The following NID2 variants were observed in gnomAD, a reference collection of about 807,000 sequenced individuals.
NID2 encodes nidogen-2.
A neutral mutation model predicts 145.4 loss-of-function variants in NID2; 83 were observed. The ratio of observed to expected loss-of-function variants is 0.57; its 90% CI spans 0.48 to 0.69. NID2 has a LOEUF of 0.69. NID2 is among the 30% of genes least tolerant of loss of function. The pLI is 0.00. For missense variants in NID2, 1,807 were observed against 1,765.7 expected (o/e 1.02, Z -0.42); for synonymous variants, 739 against 701.3 (o/e 1.05, Z -0.85).
At chr14:52,047,276 A>G (rs1270154401) in intron 5 of NID2, among the ~76,000 whole-genome samples, 2 of 152,152 alleles carry the variant, frequency 1.3e-5, no homozygotes, top group Admixed American at 1.3e-4. Context: ...GCAGGTGTAC[A>G]TGGCTCTTTT....
chr14:52,044,484 A>G lies in NID2; in HGVS notation c.1430-1553T>C, dbSNP rs550681588. Among the ~76,000 whole-genome samples, 7 of 152,122 alleles carry G rather than the reference A, an allele frequency of 4.6e-5. No homozygotes were observed. In the East Asian group the frequency reaches 1.4e-3, roughly 30 times the overall value. On this transcript the variant is annotated intron_variant, in intron 5 of 21. Coordinates refer to ENST00000216286, the MANE Select transcript of NID2 (RefSeq NM_007361.4). The stretch of plus-strand genomic sequence containing the variant: ...ACAGGGTTTCACCATGTTAGCCAGG[A>G]TGGTCCTGATCTCCTGACCTCGTGA...
intron 5 of NID2, among the ~76,000 whole-genome samples, chr14:52,049,519 G>A (rs1318914500): frequency 6.6e-6 from 1 of 151,812 alleles, no homozygotes; most frequent in East Asian, 1.9e-4. Context: ...GAGGCTTCGT[G>A]CACAGGGCTG....
chr14:52,008,415 G>C (rs1018140191), intron 18 of NID2: 1 of 153,734 alleles, frequency 6.5e-6, no homozygotes, highest in Non-Finnish European at 1.4e-5. Flanking sequence ...CCTTGTGAGA[G>C]ACTCCATGCC....
rs114623510 is a variant in NID2 at position 52,026,296 on chromosome 14, C to T, written c.2674+905G>A. Among the ~76,000 whole-genome samples, 1,077 of 152,352 alleles carry T rather than the reference C, an allele frequency of 7.1e-3. 7 individuals are homozygous for T. Among genetic ancestry groups the T allele is most frequent in the African/African-American group, 0.024 (1,017 of 41,584 alleles). On this transcript the variant is annotated intron_variant, in intron 12 of 21. Coordinates refer to ENST00000216286, the MANE Select transcript of NID2 (RefSeq NM_007361.4). The stretch of plus-strand genomic sequence containing the variant: ...TGCAAAGCTGTTCTTAGCACATCAG[C>T]TCGGTGGGCCTGGGCGGATGGAGGC...
chr14:52,048,195 G>A (rs1447554059), intron 5 of NID2, among the ~76,000 whole-genome samples: 3 of 152,176 alleles, frequency 2.0e-5, no homozygotes, highest in South Asian at 2.1e-4. Context: ...CTGAGAAGCT[G>A]AGCTCAGTGC....
At chr14:52,026,207 C>G (rs751903323) in intron 12 of NID2, among the ~76,000 whole-genome samples, 3 of 152,200 alleles carry the variant, frequency 2.0e-5, no homozygotes, top group Non-Finnish European at 4.4e-5. Context: ...GGATGAGAAT[C>G]AAACATCTGG....
chr14:52,011,426 A>C, intron 17 of NID2, 128 bp downstream of exon 17: 1 of 1,165,036 alleles, frequency 8.6e-7, no homozygotes, highest in Non-Finnish European at 1.2e-6. Context: ...TATACAGCTC[A>C]ATAAAATGAC....
intron 16 of NID2, chr14:52,011,903 T>G: frequency 1.9e-6 from 1 of 515,836 alleles, no homozygotes; most frequent in Non-Finnish European, 3.5e-6. Flanking sequence ...TGCGTTTGTC[T>G]CATTTGCAAA....
intron 9 of NID2, among the ~76,000 whole-genome samples, chr14:52,032,804 G>GAAAAAAAAAAAAAAA (rs3030384): frequency 2.8e-5 from 4 of 141,812 alleles, no homozygotes; most frequent in Admixed American, 1.4e-4. Context: ...GGCATTAAAA[G>GAAAAAAAAAAAAAAA]AAAAAAAAAA....
At position 52,007,798 on chromosome 14, in the gene NID2, C is replaced by CAGTAGG; in HGVS notation, c.3880+11_3880+12insCCTACT. On this transcript the variant is annotated intron_variant, in intron 19 of 21. Coordinates refer to ENST00000216286, the MANE Select transcript of NID2 (RefSeq NM_007361.4). ...GAGAGGTTATCTATTTGCATTCCAT[C>CAGTAGG]AGTAGTATTACCTGCATCTGCCCAG... 1 of 1,610,026 alleles carries CAGTAGG rather than the reference C, an allele frequency of 6.2e-7. No individual in the cohort carries two copies.
Position 52,060,370 on chromosome 14 carries a change from AAAAAAAAAAG to A in NID2, c.535-24_535-15del. 1 of 1,120,036 alleles carries A rather than the reference AAAAAAAAAAG, an allele frequency of 8.9e-7. No homozygotes were observed. The highest frequency in any genetic ancestry group is 1.2e-6 in the Non-Finnish European group (1 of 824,362). The allele number at this position is 1,120,036 out of a possible 1,614,324, so 69.4% of individuals were successfully genotyped here. ...GAAAGTGTTCAGCTGTGAGGAAAAA[AAAAAAAAAAG>A]AGAGAGAGAGAGAGAGAAACATCCT... On this transcript the variant is annotated splice_polypyrimidine_tract_variant and intron_variant, in intron 2 of 21. Coordinates refer to ENST00000216286, the MANE Select transcript of NID2 (RefSeq NM_007361.4).
At chr14:52,039,928 T>G (rs185765683) in intron 8 of NID2, among the ~76,000 whole-genome samples, 1 of 152,198 alleles carries the variant, frequency 6.6e-6, no homozygotes, top group African/African-American at 2.4e-5. Flanking sequence ...TAATAAATTA[T>G]AGCATCTCTG....
At chr14:52,009,146 C>T (rs1265199051) in intron 18 of NID2, 1 of 152,198 alleles carries the variant, frequency 6.6e-6, no homozygotes, top group Non-Finnish European at 1.5e-5. Flanking sequence ...AATTTCATCC[C>T]TTATGCCCAA....
At position 52,020,093 on chromosome 14, in the gene NID2, G is replaced by T; in HGVS notation, c.2760C>A (p.Pro920=). Residue 920 remains proline (P), a synonymous_variant, in exon 13 of 22, where the codon CCC becomes CCA. Coordinates refer to ENST00000216286, the MANE Select transcript of NID2 (RefSeq NM_007361.4). Reference sequence around the variant, plus strand: ...ACTGAAATCCATCCCCATAATATCCGGGTTGACAACGGCAGGAGAAGGAAC... The same window carrying T: ...ACTGAAATCCATCCCCATAATATCCTGGTTGACAACGGCAGGAGAAGGAAC... ...TPGSFSCRCQ[P]GYYGDGFQCI... 1 of 1,614,082 alleles carries T rather than the reference G, an allele frequency of 6.2e-7. No homozygotes were observed. Among genetic ancestry groups the T allele is most frequent in the Non-Finnish European group, 8.5e-7 (1 of 1,179,954 alleles).
In NID2 at chr14:52,042,228, C is replaced by T; in HGVS notation, c.1702G>A (p.Ala568Thr). Residue 568 changes from alanine (A) to threonine (T), a missense_variant, in exon 7 of 22, where the codon GCC becomes ACC. By Grantham distance (58) the Ala-to-Thr change is moderately conservative. Coordinates refer to ENST00000216286, the MANE Select transcript of NID2 (RefSeq NM_007361.4). ...IVGNDGRAYT[A>T]ISHIPQPAAQ... ...GCTGGCTGTGGGATGTGGCTGATGGCCGTGTAGGCTCTGCCATCATTGCCC... is the reference window on the plus strand; with the variant it reads ...GCTGGCTGTGGGATGTGGCTGATGGTCGTGTAGGCTCTGCCATCATTGCCC... 1.2e-6 allele frequency: 2 copies of T among 1,614,236 alleles called. No individual in the cohort carries two copies. Among genetic ancestry groups the T allele is most frequent in the Non-Finnish European group, 1.7e-6 (2 of 1,180,040 alleles).
chr14:52,028,285 GTTTTT>G (rs34635915), intron 11 of NID2, among the ~76,000 whole-genome samples: 2 of 151,354 alleles, frequency 1.3e-5, no homozygotes, highest in Admixed American at 6.6e-5. Flanking sequence ...TTTTTTTTTT[GTTTTT>G]TTGAGACAGA....
At chr14:52,011,149 G>C (rs10146989) in intron 17 of NID2, 102 bp from the exon 18 acceptor site, 2 of 1,145,672 alleles carry the variant, frequency 1.7e-6, no homozygotes, top group Non-Finnish European at 2.5e-6. Flanking sequence ...GCAGGGGAAA[G>C]CAAAGCCCAA....
At chr14:52,061,217 C>T (rs1893012220) in intron 2 of NID2, among the ~76,000 whole-genome samples, 3 of 152,202 alleles carry the variant, frequency 2.0e-5, no homozygotes, top group African/African-American at 7.2e-5. Context: ...AGCCTCCTAA[C>T]CTTCAAATGC....
chr14:52,029,625 G>A lies in NID2; in HGVS notation c.2323C>T (p.Arg775Trp), dbSNP rs139573470. ...DGSHMCDTTA[R>W]CHPGTGVDYT... ...TCTACACCTGTCCCTGGATGGCACC[G>A]TGCTGTTGTGTCACACATGTGGCTC... Residue 775 changes from arginine to tryptophan, a missense_variant, in exon 10 of 22, where the codon CGG becomes TGG. Coordinates refer to ENST00000216286, the MANE Select transcript of NID2 (RefSeq NM_007361.4). 146 of 1,614,046 alleles carry A rather than the reference G, an allele frequency of 9.0e-5. 1 individual carries two copies. Among genetic ancestry groups the A allele is most frequent in the Middle Eastern group, 1.7e-4 (1 of 6,060 alleles).
Sources: allele counts gnomAD v4.1 joint callset (sites outside exome capture counted in the v4.1 genomes callset), GRCh38; gene constraint gnomAD v4.1.1; transcripts MANE v1.5; gene names NCBI Gene and HGNC (gene_info 2026-07-23, HGNC 2026-07-21).